The following NRP2 variants were observed in gnomAD, a reference collection of about 807,000 sequenced individuals.
NRP2 encodes neuropilin-2.
A neutral mutation model predicts 110.4 loss-of-function variants in NRP2; 52 were observed. The observed-to-expected ratio is 0.47, with a 90% CI of 0.38 to 0.59. The LOEUF is 0.59. Among genes scored for constraint, NRP2 ranks in the 20% least tolerant of loss-of-function variants. The pLI is 0.00. For synonymous variants in NRP2, 508 were observed against 468.9 expected (o/e 1.08, Z -1.08); for missense variants, 1,049 against 1,203.0 (o/e 0.87, Z 1.89).
Position 205,683,490 on chromosome 2 carries a change from A to G in NRP2, c.73+127A>G. On this transcript the variant is annotated intron_variant, in intron 1 of 16. Transcript: ENST00000357785. ...CCTCAGTACTCAATAATTTAAAGAG[A>G]GATCCCAGCCGGCCCTTCCTACACC... The G allele has an allele frequency of 8.2e-6, 6 of 733,434 alleles. No homozygotes were observed. In the South Asian group the frequency reaches 9.2e-5, roughly 11 times the overall value. The allele number at this position is 733,434 out of a possible 1,614,324, so 45.4% of individuals were successfully genotyped here. A position where few individuals can be genotyped will look rare whatever the true frequency, so the allele number is the denominator to read the frequency against.
intron 4 of NRP2, among the ~76,000 whole-genome samples, chr2:205,723,464 A>C (rs986953552): frequency 2.6e-5 from 4 of 152,244 alleles, no homozygotes; most frequent in Non-Finnish European, 1.5e-5. Flanking sequence ...TAAAGAAATC[A>C]CATGCGCTCT....
At chr2:205,698,017 C>T (rs1335376997) in intron 2 of NRP2, 2 of 440,532 alleles carry the variant, frequency 4.5e-6, no homozygotes, top group Non-Finnish European at 8.5e-6. Context: ...GGCTGGACTA[C>T]AAAACTCTAC....
intron 7 of NRP2, among the ~76,000 whole-genome samples, chr2:205,731,645 C>T (rs751437744): frequency 6.6e-6 from 1 of 152,162 alleles, no homozygotes; most frequent in Non-Finnish European, 1.5e-5. Context: ...TGACACAGCT[C>T]TAGTTAGTCA....
At chr2:205,757,500 G>A (rs556185206) in intron 12 of NRP2, among the ~76,000 whole-genome samples, 1 of 152,206 alleles carries the variant, frequency 6.6e-6, no homozygotes, top group East Asian at 1.9e-4. Context: ...AGAAATCAGA[G>A]GAAATAACTG....
At chr2:205,770,919 C>A (rs2058012551) in intron 15 of NRP2, among the ~76,000 whole-genome samples, 2 of 152,168 alleles carry the variant, frequency 1.3e-5, no homozygotes, top group African/African-American at 4.8e-5. Flanking sequence ...CTGGAGCATG[C>A]CACCTCTCCT....
chr2:205,699,676 A>C (rs2056510763), intron 2 of NRP2, among the ~76,000 whole-genome samples: 1 of 152,196 alleles, frequency 6.6e-6, no homozygotes, highest in Non-Finnish European at 1.5e-5. Context: ...GACTCTGACA[A>C]GGGGAAGAAG....
Position 205,743,430 on chromosome 2 carries a change from C to T in NRP2, c.1519C>T (p.Arg507Cys), listed in dbSNP as rs763025891. 3 of 1,614,200 alleles carry T rather than the reference C, an allele frequency of 1.9e-6. No individual in the cohort carries two copies. The highest frequency in any genetic ancestry group is 1.1e-5 in the South Asian group (1 of 91,084). The change falls in exon 9 of 17, where the codon CGC (arginine) becomes TGC (cysteine). Residue 507 changes from arginine (R) to cysteine (C), a missense_variant. By Grantham distance (180) the Arg-to-Cys change is radical. Transcript: ENST00000357785. ...GAAAGGTGTCATCATCCAGGGAGCC[C>T]GCGGAGGAGACAGTATCACTGCTGT... ...TVKGVIIQGA[R>C]GGDSITAVEA... is the part of the protein sequence containing the mutation.
intron 9 of NRP2, among the ~76,000 whole-genome samples, chr2:205,744,832 C>T (rs955688570): frequency 2.6e-5 from 4 of 152,208 alleles, no homozygotes; most frequent in African/African-American, 9.6e-5. Flanking sequence ...TAACTGGAAC[C>T]TTGCATCGAT....
rs927400100 is a variant in NRP2, at chr2:205,686,423, G to T, written c.73+3060G>T. 6.6e-6 allele frequency among the ~76,000 whole-genome samples: 1 copy of T among 152,176 alleles called. No homozygotes were observed. Among genetic ancestry groups the T allele is most frequent in the Admixed American group, 6.5e-5 (1 of 15,284 alleles). On this transcript the variant is annotated intron_variant, in intron 1 of 16. Coordinates refer to ENST00000357785, the MANE Select transcript of NRP2 (RefSeq NM_003872.3). The surrounding 1 kb of genome is among the most constrained non-coding windows in gnomAD (Gnocchi z 4.7). ...CCACGTGAGAAAAAGAAATGTTCACGGCCGATGCTTCATTTTCACTGATTG... is the reference window on the plus strand; with the variant it reads ...CCACGTGAGAAAAAGAAATGTTCACTGCCGATGCTTCATTTTCACTGATTG...
At chr2:205,780,190 T>C (rs535349444) in intron 15 of NRP2, among the ~76,000 whole-genome samples, 6 of 152,340 alleles carry the variant, frequency 3.9e-5, no homozygotes, top group Non-Finnish European at 8.8e-5. Flanking sequence ...GAATCTCCCA[T>C]TTACGAGCGC....
intron 1 of NRP2, among the ~76,000 whole-genome samples, chr2:205,692,883 A>C (rs542054083): frequency 7.9e-5 from 12 of 152,346 alleles, no homozygotes; most frequent in African/African-American, 2.9e-4. Context: ...ACTGACCTTT[A>C]GAATCACCCC....
rs570506025 is a variant in NRP2 at position 205,740,089 on chromosome 2, C to G, written c.1147-430C>G. 61 of 276,116 alleles carry G rather than the reference C, an allele frequency of 2.2e-4. No individual in the cohort carries two copies. In the South Asian group the frequency reaches 2.3e-3, roughly 10 times the overall value. 17.1% of individuals were successfully genotyped at this position (276,116 alleles called of 1,614,324 possible). A position where few individuals can be genotyped will look rare whatever the true frequency, so the allele number is the denominator to read the frequency against. ...AAGCACTTTGCAATTAGAAAATGCT[C>G]TGCAAATATTCCTAGGTGCCTGCAA... On this transcript the variant is annotated intron_variant, in intron 7 of 16. Transcript: ENST00000357785.
chr2:205,745,615 C>T, intron 9 of NRP2, 131 bp from the exon 10 acceptor site: 1 of 968,866 alleles, frequency 1.0e-6, no homozygotes, highest in East Asian at 2.6e-5. Flanking sequence ...GTCCCAGTGA[C>T]CAGGAATCAA....
chr2:205,701,150 C>T (rs1404904214), intron 2 of NRP2: 1 of 162,594 alleles, frequency 6.2e-6, no homozygotes, highest in Non-Finnish European at 1.3e-5. Flanking sequence ...AAACACCCAC[C>T]TGCATGTAAT....
intron 2 of NRP2, among the ~76,000 whole-genome samples, chr2:205,703,240 G>A (rs1490571131): frequency 6.6e-6 from 1 of 152,188 alleles, no homozygotes; most frequent in Non-Finnish European, 1.5e-5. Flanking sequence ...GTAGGACACA[G>A]GCCAAGAATG....
chr2:205,788,870 C>T (rs934320417), intron 15 of NRP2, among the ~76,000 whole-genome samples: 4 of 152,202 alleles, frequency 2.6e-5, no homozygotes, highest in African/African-American at 9.7e-5. Flanking sequence ...AGTTTGTTTC[C>T]TGGGCATGCA....
chr2:205,715,065 G>A (rs2056867601), intron 2 of NRP2, among the ~76,000 whole-genome samples: 1 of 152,192 alleles, frequency 6.6e-6, no homozygotes, highest in Admixed American at 6.5e-5. Context: ...GGGAGGGAGA[G>A]GGAGATGGAT....
rs372509246 is a variant in NRP2, at chr2:205,749,746, C to T, written c.1808C>T (p.Thr603Met). The change falls in exon 11 of 17, where the codon ACG (threonine) becomes ATG (methionine). Residue 603 changes from threonine (T) to methionine (M), a missense_variant. Thr to Met is a moderately conservative substitution (Grantham distance 81). Coordinates refer to ENST00000357785, the MANE Select transcript of NRP2 (RefSeq NM_003872.3). ...DWTDSKPTVETLGPTVKSEET... is the reference protein window; with the variant it reads ...DWTDSKPTVEMLGPTVKSEET... ...ACAGACTCCAAGCCCACGGTAGAGACGCTGGGACCCACTGTGAAGAGCGAA... is the reference window on the plus strand; with the variant it reads ...ACAGACTCCAAGCCCACGGTAGAGATGCTGGGACCCACTGTGAAGAGCGAA... 4.9e-5 allele frequency: 79 copies of T among 1,614,122 alleles called. No homozygotes were observed. The highest frequency in any genetic ancestry group is 1.6e-4 in the Middle Eastern group (1 of 6,062).
intron 15 of NRP2, among the ~76,000 whole-genome samples, chr2:205,781,382 G>A (rs1042577003): frequency 3.9e-5 from 6 of 152,224 alleles, no homozygotes; most frequent in South Asian, 2.1e-4. Context: ...GGCCTAGGCC[G>A]GTCTGTTTCT....
Sources: gnomAD v4.1 joint callset for allele counts (sites outside exome capture counted in the v4.1 genomes callset) on GRCh38, gnomAD v4.1.1 for gene constraint, Gnocchi (gnomAD v3.1) non-coding constraint, MANE v1.5 for transcripts, NCBI Gene and HGNC (gene_info 2026-07-23, HGNC 2026-07-21) for gene names.